JDP2: variants seen among roughly 807,000 people sequenced by gnomAD.
JDP2 encodes the protein Jun dimerization protein 2.
JDP2 carries 9 observed loss-of-function variants against 17.1 expected under a neutral mutation model. That is an observed-to-expected ratio of 0.53 (90% confidence interval 0.32 to 0.92). The LOEUF (loss-of-function observed/expected upper bound fraction) is 0.92, where lower values mean the gene tolerates loss of function less well. Among genes scored for constraint, JDP2 ranks in the 40% least tolerant of loss-of-function variants. JDP2 has a pLI of 0.04. For missense variants in JDP2, 179 were observed against 220.0 expected (o/e 0.81, Z 1.18); for synonymous variants, 107 against 95.6 (o/e 1.12, Z -0.69).
chr14:75,446,707 G>A (rs182862934), intron 2 of JDP2, among the ~76,000 whole-genome samples: 73 of 152,270 alleles, frequency 4.8e-4, no homozygotes, highest in African/African-American at 1.6e-3. Context: ...GTTTCTTTTG[G>A]GGGTGATGAA....
intron 2 of JDP2, among the ~76,000 whole-genome samples, chr14:75,444,137 C>T (rs926642801): frequency 1.8e-4 from 27 of 152,254 alleles, no homozygotes; most frequent in Admixed American, 1.3e-3. Context: ...CTCCTGGGCT[C>T]AAGCGATCCT....
Position 75,469,656 on chromosome 14 carries a change from G to A in JDP2, c.*181G>A, listed in dbSNP as rs970019284. The A allele has an allele frequency of 6.6e-6, 4 of 606,252 alleles. No homozygotes were observed. Among genetic ancestry groups the A allele is most frequent in the Admixed American group, 6.1e-5 (2 of 32,830 alleles). 37.6% of individuals were successfully genotyped at this position (606,252 alleles called of 1,614,324 possible). On this transcript the variant is annotated 3_prime_UTR_variant, in exon 4 of 4. Coordinates refer to ENST00000651602, the MANE Select transcript of JDP2 (RefSeq NM_001135048.2). The stretch of plus-strand genomic sequence containing the variant: ...ACTCAGATCAGCCACCCAGGAGGAA[G>A]AGCGGGCTGAGGAAACCCAGAGGGA...
At chr14:75,461,353 G>A (rs147167734) in intron 2 of JDP2, 73 bp from the exon 3 acceptor site, 3 of 1,132,996 alleles carry the variant, frequency 2.6e-6, no homozygotes, top group Admixed American at 4.0e-5. Flanking sequence ...TTGTCCCTCT[G>A]TCTATGTGTC....
intron 2 of JDP2, among the ~76,000 whole-genome samples, chr14:75,439,592 C>G (rs1170657124): frequency 6.6e-6 from 1 of 152,178 alleles, no homozygotes; most frequent in East Asian, 1.9e-4. Context: ...ACTGCCTGGT[C>G]CCTGTTAGCC....
At chr14:75,436,916 G>C (rs935904043) in intron 1 of JDP2, among the ~76,000 whole-genome samples, 1 of 152,200 alleles carries the variant, frequency 6.6e-6, no homozygotes, top group Non-Finnish European at 1.5e-5. Flanking sequence ...GGAGGTAGCC[G>C]GGCGCAGTGG....
At chr14:75,451,888 C>A (rs572206932) in intron 2 of JDP2, among the ~76,000 whole-genome samples, 1 of 152,310 alleles carries the variant, frequency 6.6e-6, no homozygotes, top group East Asian at 1.9e-4. Context: ...TCCAAGAGCC[C>A]CTGGCACTAA....
At chr14:75,460,227 T>C (rs1416421942) in intron 2 of JDP2, among the ~76,000 whole-genome samples, 1 of 152,200 alleles carries the variant, frequency 6.6e-6, no homozygotes, top group Non-Finnish European at 1.5e-5. Flanking sequence ...GTGAGTTTAT[T>C]AACATGTCCT....
intron 3 of JDP2, among the ~76,000 whole-genome samples, chr14:75,469,060 G>A (rs1407491785): frequency 6.6e-6 from 1 of 152,254 alleles, no homozygotes; most frequent in Non-Finnish European, 1.5e-5. Flanking sequence ...ACGTGAGTCT[G>A]GCTGGCCCTA....
intron 2 of JDP2, among the ~76,000 whole-genome samples, chr14:75,460,566 G>A (rs574980607): frequency 1.3e-5 from 2 of 152,286 alleles, no homozygotes; most frequent in South Asian, 4.1e-4. Flanking sequence ...GGGAACCACT[G>A]GCCTGGAAAA....
rs771683478 is a variant in JDP2, at chr14:75,469,484, TG to T, written c.*12del. The T allele has an allele frequency of 1.9e-5, 30 of 1,608,352 alleles. No homozygotes were observed. The East Asian group carries it at 6.7e-4, about 36-fold the overall frequency. On this transcript the variant is annotated 3_prime_UTR_variant, in exon 4 of 4. Transcript: ENST00000651602. ...AGCTCGAGAAGAAGTGACCATGGGCTGGGAGGAGGTGGAGGAGGAGGAAGAG... is the reference window on the plus strand; with the variant it reads ...AGCTCGAGAAGAAGTGACCATGGGCTGGAGGAGGTGGAGGAGGAGGAAGAG...
chr14:75,451,909 A>C (rs1885884515), intron 2 of JDP2, among the ~76,000 whole-genome samples: 2 of 152,144 alleles, frequency 1.3e-5, no homozygotes, highest in African/African-American at 4.8e-5. Flanking sequence ...GCGTCTGTAA[A>C]AGCAGAAACT....
At position 75,428,445 on chromosome 14, in the gene JDP2, G is replaced by A. The variant is rs898635742; in HGVS notation, c.-24+193G>A. 1 of 151,950 alleles carries A rather than the reference G, an allele frequency of 6.6e-6. No homozygotes were observed. Among genetic ancestry groups the A allele is most frequent in the Non-Finnish European group, 1.5e-5 (1 of 67,924 alleles). 9.4% of individuals were successfully genotyped at this position (151,950 alleles called of 1,614,324 possible). ...GGCGCTGCAGCCGGGCCCCTCCCGC[G>A]AGGCGCCCGGCAGCCTGAGGCTTCC... On this transcript the variant is annotated intron_variant, in intron 1 of 3. Coordinates refer to ENST00000651602, the MANE Select transcript of JDP2 (RefSeq NM_001135048.2). The surrounding 1 kb of genome is among the most constrained non-coding windows in gnomAD (Gnocchi z 5.6).
intron 2 of JDP2, among the ~76,000 whole-genome samples, chr14:75,454,375 C>T (rs1886007258): frequency 6.6e-6 from 1 of 152,250 alleles, no homozygotes; most frequent in Admixed American, 6.5e-5. Context: ...AGCATCTACG[C>T]AGCCTTGATG....
intron 2 of JDP2, among the ~76,000 whole-genome samples, chr14:75,450,088 C>A (rs1240332171): frequency 2.0e-5 from 3 of 152,162 alleles, no homozygotes; most frequent in Admixed American, 6.6e-5. Flanking sequence ...TTACTATGGA[C>A]AAGGGGAGTT....
chr14:75,464,479 T>G (rs1886486153), intron 3 of JDP2, among the ~76,000 whole-genome samples: 2 of 152,200 alleles, frequency 1.3e-5, no homozygotes, highest in African/African-American at 4.8e-5. Flanking sequence ...TACATCGTAT[T>G]AGTCATTATA....
chr14:75,460,745 G>A (rs950206078), intron 2 of JDP2, among the ~76,000 whole-genome samples: 8 of 152,212 alleles, frequency 5.3e-5, no homozygotes, highest in Non-Finnish European at 1.0e-4. Context: ...CCACCTGTGG[G>A]AGAGCTGAGG....
chr14:75,444,212 G>A (rs1885490004), intron 2 of JDP2, among the ~76,000 whole-genome samples: 1 of 152,202 alleles, frequency 6.6e-6, no homozygotes, highest in Non-Finnish European at 1.5e-5. Flanking sequence ...TTGCTGCTAT[G>A]ATAATGAAAT....
intron 2 of JDP2, among the ~76,000 whole-genome samples, chr14:75,460,615 C>A (rs1410877439): frequency 6.6e-6 from 1 of 152,200 alleles, no homozygotes; most frequent in Non-Finnish European, 1.5e-5. Context: ...AAGAAAAGGT[C>A]GTCACCGCCC....
chr14:75,463,774 C>G (rs1886443175), intron 3 of JDP2, among the ~76,000 whole-genome samples: 1 of 152,128 alleles, frequency 6.6e-6, no homozygotes, highest in Non-Finnish European at 1.5e-5. Flanking sequence ...CCAGATCCCT[C>G]ATAATAGGGT....
Sources: allele counts gnomAD v4.1 joint callset (sites outside exome capture counted in the v4.1 genomes callset), GRCh38; gene constraint gnomAD v4.1.1; non-coding constraint Gnocchi (gnomAD v3.1); transcripts MANE v1.5; gene names NCBI Gene and HGNC (gene_info 2026-07-23, HGNC 2026-07-21).